The following PPP1R12B variants were observed in gnomAD, a reference collection of about 807,000 sequenced individuals.
PPP1R12B encodes myosin phosphatase target subunit 2.
Under a neutral mutation model 126.1 loss-of-function variants are expected in PPP1R12B, and 76 were observed. The ratio of observed to expected loss-of-function variants is 0.60; its 90% CI spans 0.50 to 0.73. The LOEUF (loss-of-function observed/expected upper bound fraction) is 0.73, where lower values mean the gene tolerates loss of function less well. PPP1R12B is among the 30% of genes least tolerant of loss of function. The probability of loss-of-function intolerance (pLI) is 0.00; values close to 1 mark genes in which losing one functional copy is unlikely to be tolerated. For missense variants in PPP1R12B, 1,052 were observed against 1,205.1 expected (o/e 0.87, Z 1.88); for synonymous variants, 356 against 434.7 (o/e 0.82, Z 2.25).
chr1:202,377,830 G>GTTT (rs1661446046), intron 1 of PPP1R12B, among the ~76,000 whole-genome samples: 1 of 99,302 alleles, frequency 1.0e-5, no homozygotes, highest in African/African-American at 4.5e-5. Flanking sequence ...TCAAAGACAG[G>GTTT]TGTTTTTTTT....
At chr1:202,473,937 G>T (rs757438689) in intron 13 of PPP1R12B, 1 of 532,966 alleles carries the variant, frequency 1.9e-6, no homozygotes, top group Non-Finnish European at 3.9e-6. Flanking sequence ...CTGCTATGCA[G>T]GCCTGCTCGA....
At chr1:202,372,777 T>TA (rs1225778392) in intron 1 of PPP1R12B, among the ~76,000 whole-genome samples, 1 of 149,710 alleles carries the variant, frequency 6.7e-6, no homozygotes, top group Non-Finnish European at 1.5e-5. Context: ...TGTCTCAAAA[T>TA]AAAAAAAAAT....
chr1:202,580,432 C>G (rs1217741056), intron 23 of PPP1R12B, 42 bp from the exon 24 acceptor site: 4 of 1,540,008 alleles, frequency 2.6e-6, no homozygotes, highest in Non-Finnish European at 2.7e-6. Context: ...CAAGGAGGAT[C>G]CTGCCAGGCT....
chr1:202,536,460 G>A (rs536316652), intron 18 of PPP1R12B, among the ~76,000 whole-genome samples: 67 of 152,310 alleles, frequency 4.4e-4, no homozygotes, highest in Admixed American at 7.2e-4. Flanking sequence ...GGCATTTACC[G>A]TGAATGAATG....
intron 21 of PPP1R12B, chr1:202,567,524 A>G (rs1308062107): frequency 2.1e-6 from 1 of 480,296 alleles, no homozygotes; most frequent in African/African-American, 1.9e-5. Context: ...TGTTGTAAGT[A>G]ATTTCTTTGT....
intron 18 of PPP1R12B, 121 bp from the exon 19 acceptor site, chr1:202,558,756 G>A (rs1687212412): frequency 1.6e-6 from 1 of 640,770 alleles, no homozygotes; most frequent in East Asian, 2.9e-5. Context: ...CAGCTGTGAA[G>A]TTCAGCCATC....
At chr1:202,372,251 C>G (rs554946666) in intron 1 of PPP1R12B, among the ~76,000 whole-genome samples, 1 of 152,126 alleles carries the variant, frequency 6.6e-6, no homozygotes, top group Admixed American at 6.6e-5. Context: ...TATCTGTAAT[C>G]TTAGCACTTT....
chr1:202,376,049 G>A (rs529642434), intron 1 of PPP1R12B, among the ~76,000 whole-genome samples: 1 of 152,310 alleles, frequency 6.6e-6, no homozygotes, highest in East Asian at 1.9e-4. Context: ...TTCAATGAAT[G>A]AACTGAGCAG....
chr1:202,574,259 C>G (rs1330824888), intron 23 of PPP1R12B, among the ~76,000 whole-genome samples: 1 of 151,934 alleles, frequency 6.6e-6, no homozygotes, highest in Admixed American at 6.6e-5. Flanking sequence ...CCTGTAATCC[C>G]AGCACTTTGG....
chr1:202,478,638 A>G (rs1446524492), intron 13 of PPP1R12B, among the ~76,000 whole-genome samples: 1 of 152,140 alleles, frequency 6.6e-6, no homozygotes, highest in Admixed American at 6.5e-5. Flanking sequence ...TATAGTTTGT[A>G]TAGTATATAT....
intron 1 of PPP1R12B, among the ~76,000 whole-genome samples, chr1:202,352,794 A>G (rs1420054888): frequency 6.6e-6 from 1 of 152,168 alleles, no homozygotes; most frequent in Non-Finnish European, 1.5e-5. Context: ...AGGCTGAGGC[A>G]GGAGAATCGC....
At chr1:202,406,202 TTACTC>T (rs1485154035) in intron 1 of PPP1R12B, among the ~76,000 whole-genome samples, 2 of 152,180 alleles carry the variant, frequency 1.3e-5, no homozygotes, top group African/African-American at 4.8e-5. Flanking sequence ...GGACAACAAT[TTACTC>T]TACATGCCAA....
intron 18 of PPP1R12B, among the ~76,000 whole-genome samples, chr1:202,500,231 C>A (rs938417174): frequency 6.6e-6 from 1 of 151,932 alleles, no homozygotes; most frequent in Non-Finnish European, 1.5e-5. Context: ...CTCTCTCTCT[C>A]TCTCTCTCTC....
rs777909235 is a variant in PPP1R12B at position 202,350,625 on chromosome 1, C to CT, written c.291+1496dup. Among the ~76,000 whole-genome samples, 384 of 143,738 alleles carry CT rather than the reference C, an allele frequency of 2.7e-3. 2 individuals are homozygous for CT. Among genetic ancestry groups the CT allele is most frequent in the South Asian group, 0.016 (72 of 4,524 alleles). The allele number at this position is 143,738 out of a possible 152,430, so 94.3% of individuals were successfully genotyped here. ...AATTCTTGTTTTTCTTTTTCTTTTT[C>CT]TTTTTTTTTTTTTGATTCAGAGTCT... On this transcript the variant is annotated intron_variant, in intron 1 of 23. Transcript: ENST00000608999.
At chr1:202,350,625 CT>C (rs777909235) in intron 1 of PPP1R12B, among the ~76,000 whole-genome samples, 400 of 143,416 alleles carry the variant, frequency 2.8e-3, no homozygotes, top group Non-Finnish European at 2.9e-3. Context: ...TTTTCTTTTT[CT>C]TTTTTTTTTT....
chr1:202,588,848 TAGATAGA>T lies in PPP1R12B; in HGVS notation c.*8289_*8295del, dbSNP rs1488304802. Reference sequence around the variant, plus strand: ...TAAGATAGATAGATAGATAGATAGATAGATAGATAGATAGATAGATAGATATCAAGGT... The same window carrying T: ...TAAGATAGATAGATAGATAGATAGATTAGATAGATAGATAGATATCAAGGT... On this transcript the variant is annotated 3_prime_UTR_variant, in exon 24 of 24. Transcript: ENST00000608999. 40 of 144,784 alleles carry T rather than the reference TAGATAGA, an allele frequency of 2.8e-4. No individual in the cohort carries two copies. The highest frequency in any genetic ancestry group is 1.0e-3 in the African/African-American group (36 of 35,380). 9.0% of individuals were successfully genotyped at this position (144,784 alleles called of 1,614,324 possible).
intron 10 of PPP1R12B, chr1:202,439,106 A>G (rs987988090): frequency 3.6e-5 from 55 of 1,534,854 alleles, no homozygotes; most frequent in Non-Finnish European, 4.5e-5. Context: ...CAAAGTGGAC[A>G]TGACGTTCGA....
At chr1:202,400,403 A>C (rs970615022) in intron 1 of PPP1R12B, among the ~76,000 whole-genome samples, 9 of 152,202 alleles carry the variant, frequency 5.9e-5, no homozygotes, top group African/African-American at 2.4e-5. Flanking sequence ...ACTACAATAA[A>C]ATCCAATATA....
chr1:202,352,905 G>A (rs983894918), intron 1 of PPP1R12B, among the ~76,000 whole-genome samples: 6 of 65,424 alleles, frequency 9.2e-5, no homozygotes, highest in African/African-American at 2.7e-4. Context: ...AAAGAAAAAA[G>A]AAATTCAGAC....
Sources: gnomAD v4.1 joint callset for allele counts (sites outside exome capture counted in the v4.1 genomes callset) on GRCh38, gnomAD v4.1.1 for gene constraint, MANE v1.5 for transcripts, NCBI Gene and HGNC (gene_info 2026-07-23, HGNC 2026-07-21) for gene names.